The following FRAS1 variants were observed in gnomAD, a reference collection of about 807,000 sequenced individuals.
FRAS1 encodes extracellular matrix organizing protein FRAS1.
A neutral mutation model predicts 435.2 loss-of-function variants in FRAS1; 290 were observed. The observed-to-expected ratio is 0.67, with a 90% CI of 0.61 to 0.73. The LOEUF is 0.73. Ranked by LOEUF, FRAS1 falls within the 30% of genes least tolerant of loss-of-function variation. The pLI is 0.00. For missense variants in FRAS1, 4,860 were observed against 5,001.5 expected (o/e 0.97, Z 0.85); for synonymous variants, 1,800 against 1,851.0 (o/e 0.97, Z 0.71).
chr4:78,400,682 G>A, intron 29 of FRAS1, 52 bp from the exon 30 acceptor site: 1 of 1,556,152 alleles, frequency 6.4e-7, no homozygotes, highest in South Asian at 1.2e-5. Context: ...TTTAAGGATT[G>A]ATATATTCTT....
intron 39 of FRAS1, 45 bp from the exon 40 acceptor site, chr4:78,438,856 CT>C: frequency 1.3e-6 from 2 of 1,557,922 alleles, no homozygotes; most frequent in Non-Finnish European, 1.7e-6. Context: ...TCTTACCTGG[CT>C]TGTCATCGTG....
At chr4:78,539,184 C>T in intron 72 of FRAS1, 110 bp from the exon 73 acceptor site, 1 of 1,057,442 alleles carries the variant, frequency 9.5e-7, no homozygotes, top group Non-Finnish European at 1.4e-6. Context: ...TCTCTCAACT[C>T]AACCTAAAGC....
intron 45 of FRAS1, among the ~76,000 whole-genome samples, chr4:78,450,901 G>A (rs1001371898): frequency 3.9e-5 from 6 of 152,134 alleles, no homozygotes; most frequent in African/African-American, 1.4e-4. Context: ...GGGAAAAAAA[G>A]TTATATATTG....
chr4:78,456,143 T>TTTTTC (rs1560738466), intron 47 of FRAS1, among the ~76,000 whole-genome samples: 7 of 80,224 alleles, frequency 8.7e-5, no homozygotes, highest in African/African-American at 3.7e-4. Context: ...TGTCACTTTT[T>TTTTTC]TTTTTTTTTT....
intron 20 of FRAS1, among the ~76,000 whole-genome samples, chr4:78,345,056 A>G (rs532914253): frequency 6.6e-6 from 1 of 152,202 alleles, no homozygotes; most frequent in Admixed American, 6.5e-5. Context: ...GGGTAACTTA[A>G]TTTGGCCATT....
intron 58 of FRAS1, among the ~76,000 whole-genome samples, chr4:78,483,960 A>G (rs938484970): frequency 6.6e-6 from 1 of 151,728 alleles, no homozygotes; most frequent in Non-Finnish European, 1.5e-5. Context: ...ATGAGTTTTG[A>G]CAAATGTATA....
intron 23 of FRAS1, 81 bp from the exon 24 acceptor site, chr4:78,372,637 C>G: frequency 6.5e-7 from 1 of 1,540,378 alleles, no homozygotes; most frequent in Non-Finnish European, 8.9e-7. Flanking sequence ...CTTGCAGCTG[C>G]AGACAGAGTC....
At chr4:78,262,227 T>C (rs1726146169) in intron 6 of FRAS1, among the ~76,000 whole-genome samples, 1 of 152,214 alleles carries the variant, frequency 6.6e-6, no homozygotes, top group South Asian at 2.1e-4. Context: ...TCCATGTCTC[T>C]CTCTGACTGT....
chr4:78,316,950 A>T (rs1448302987), intron 16 of FRAS1, among the ~76,000 whole-genome samples: 1 of 152,158 alleles, frequency 6.6e-6, no homozygotes, highest in East Asian at 1.9e-4. Flanking sequence ...AGGCAGTGTG[A>T]GGTTTAGGTC....
intron 6 of FRAS1, among the ~76,000 whole-genome samples, chr4:78,263,094 G>T (rs1726191282): frequency 6.6e-6 from 1 of 152,124 alleles, no homozygotes; most frequent in Admixed American, 6.5e-5. Context: ...GTATATGGTG[G>T]TCAGAATGAT....
intron 2 of FRAS1, among the ~76,000 whole-genome samples, chr4:78,179,449 C>A (rs761075049): frequency 2.6e-5 from 4 of 152,124 alleles, no homozygotes; most frequent in Non-Finnish European, 5.9e-5. Context: ...GTGGAATTCC[C>A]CTGAATTAGC....
intron 2 of FRAS1, among the ~76,000 whole-genome samples, chr4:78,083,644 T>TTTTTTTTA (rs1741008020): frequency 6.6e-6 from 1 of 151,016 alleles, no homozygotes; most frequent in African/African-American, 2.4e-5. Flanking sequence ...TTTTTTTTTT[T>TTTTTTTTA]TGCAAGAATC....
At chr4:78,227,937 A>G (rs976180010) in intron 2 of FRAS1, among the ~76,000 whole-genome samples, 5 of 152,180 alleles carry the variant, frequency 3.3e-5, no homozygotes, top group African/African-American at 1.2e-4. Flanking sequence ...TCCATCCATC[A>G]ACTCATTCAA....
In FRAS1 at chr4:78,438,576, T is replaced by A. The variant is rs1452647588; in HGVS notation, c.5224T>A (p.Ser1742Thr). 2 of 1,613,850 alleles carry A rather than the reference T, an allele frequency of 1.2e-6. No homozygotes were observed. Among genetic ancestry groups the A allele is most frequent in the East Asian group, 4.5e-5 (2 of 44,882 alleles). ...TRSHLAYVDD[S>T]SPDPEIWIQL... ...CTCATGTTTGCCTCATTAGGATGATTCTTCCCCCGACCCAGAGATCTGGAT... is the reference window on the plus strand; with the variant it reads ...CTCATGTTTGCCTCATTAGGATGATACTTCCCCCGACCCAGAGATCTGGAT... Residue 1742 changes from serine (S) to threonine (T), a missense_variant, in exon 39 of 74, where the codon TCT becomes ACT. Transcript: ENST00000512123.
chr4:78,311,429 T>C (rs1204110353), intron 15 of FRAS1, among the ~76,000 whole-genome samples: 1 of 152,162 alleles, frequency 6.6e-6, no homozygotes, highest in Non-Finnish European at 1.5e-5. Context: ...CACTGCTATG[T>C]AGCACTCCCT....
chr4:78,116,529 A>T (rs1315758737), intron 2 of FRAS1, among the ~76,000 whole-genome samples: 1 of 152,186 alleles, frequency 6.6e-6, no homozygotes, highest in Non-Finnish European at 1.5e-5. Context: ...TTGGGTTCAT[A>T]TATATTTAGG....
chr4:78,444,749 G>C (rs759823720), intron 41 of FRAS1, among the ~76,000 whole-genome samples: 15 of 152,206 alleles, frequency 9.9e-5, no homozygotes, highest in Non-Finnish European at 2.2e-4. Context: ...TTGGGGTTGG[G>C]ATGAGAGGAG....
At chr4:78,496,987 A>G in intron 60 of FRAS1, 26 bp downstream of exon 60, 1 of 1,592,756 alleles carries the variant, frequency 6.3e-7, no homozygotes, top group Non-Finnish European at 8.6e-7. Flanking sequence ...ATCTTTAGTT[A>G]CTCTTAGGTT....
At chr4:78,463,144 G>T (rs1719420409) in intron 47 of FRAS1, among the ~76,000 whole-genome samples, 1 of 152,048 alleles carries the variant, frequency 6.6e-6, no homozygotes, top group South Asian at 2.1e-4. Context: ...TTGGCACCTG[G>T]GTATGAGCCC....
Sources: allele counts gnomAD v4.1 joint callset (sites outside exome capture counted in the v4.1 genomes callset), GRCh38; gene constraint gnomAD v4.1.1; transcripts MANE v1.5; gene names NCBI Gene and HGNC (gene_info 2026-07-23, HGNC 2026-07-21).